Variants in HPS5 observed in about 807,000 individuals in gnomAD.
HPS5 encodes the protein HPS5 biogenesis of lysosomal organelles complex 2 subunit 2.
HPS5 carries 83 observed loss-of-function variants against 128.0 expected under a neutral mutation model. The observed-to-expected ratio is 0.65, with a 90% CI of 0.54 to 0.78. The LOEUF is 0.78. HPS5 is among the 30% of genes least tolerant of loss of function. The probability of loss-of-function intolerance (pLI) is 0.00; values close to 1 mark genes in which losing one functional copy is unlikely to be tolerated. For synonymous variants in HPS5, 475 were observed against 470.2 expected (o/e 1.01, Z -0.13); for missense variants, 1,281 against 1,326.2 (o/e 0.97, Z 0.53).
At chr11:18,321,151 TAAA>T (rs140212617) in intron 1 of HPS5, among the ~76,000 whole-genome samples, 4,088 of 152,308 alleles carry the variant, frequency 0.027, 80 homozygotes, top group African/African-American at 0.053. Flanking sequence ...CAATAAAATT[TAAA>T]AAATATATAC....
intron 5 of HPS5, 28 bp from the exon 6 acceptor site, chr11:18,309,107 G>A (rs964489865): frequency 6.2e-7 from 1 of 1,606,894 alleles, no homozygotes. Context: ...AAGAAATAAA[G>A]TTTATTTAAT....
chr11:18,284,699 A>G (rs1859461523), intron 20 of HPS5, among the ~76,000 whole-genome samples: 4 of 152,232 alleles, frequency 2.6e-5, no homozygotes, highest in Admixed American at 2.6e-4. Context: ...CTACCACTAT[A>G]CAAATTAGAT....
intron 2 of HPS5, among the ~76,000 whole-genome samples, chr11:18,315,793 G>C (rs1321192901): frequency 1.3e-5 from 2 of 152,138 alleles, no homozygotes; most frequent in African/African-American, 4.8e-5. Context: ...GTAGCTCCAA[G>C]AGTTTATCTG....
Position 18,281,990 on chromosome 11 carries a change from T to G in HPS5, c.3289A>C (p.Arg1097=). The G allele has an allele frequency of 6.2e-7, 1 of 1,614,234 alleles. No individual in the cohort carries two copies. ...GCAATCCTCAGGATATCGCAGGTTCTGGTAAACTTCTCTGACAACTCAAGG... is the reference window on the plus strand; with the variant it reads ...GCAATCCTCAGGATATCGCAGGTTCGGGTAAACTTCTCTGACAACTCAAGG... ...LALELSEKFT[R]TCDILRIAEK... is the part of the protein sequence containing the mutation. The change falls in exon 22 of 23, where the codon AGA becomes CGA. Residue 1097 remains arginine (R), a synonymous_variant. Coordinates refer to ENST00000349215, the MANE Select transcript of HPS5 (RefSeq NM_181507.2).
In HPS5 at chr11:18,291,690, C is replaced by T; in HGVS notation, c.2192G>A (p.Ser731Asn). ...TTCAGCCAGGTCGTTCCGAAGACCA[C>T]TTGCAATGGCGCATGGAGAACATAT... Reference protein sequence around the residue: ...FQICSPCAIASGLRNDLAELT... With the variant: ...FQICSPCAIANGLRNDLAELT... The change falls in exon 16 of 23, where the codon AGT becomes AAT. Residue 731 changes from serine to asparagine, a missense_variant. By Grantham distance (46) the Ser-to-Asn change is conservative (BLOSUM62 1). Coordinates refer to ENST00000349215, the MANE Select transcript of HPS5 (RefSeq NM_181507.2). The T allele has an allele frequency of 1.2e-6, 2 of 1,614,218 alleles. No homozygotes were observed. Among genetic ancestry groups the T allele is most frequent in the African/African-American group, 1.3e-5 (1 of 75,064 alleles).
At chr11:18,290,398 A>G (rs951413168) in intron 16 of HPS5, among the ~76,000 whole-genome samples, 1 of 152,234 alleles carries the variant, frequency 6.6e-6, no homozygotes, top group Non-Finnish European at 1.5e-5. Flanking sequence ...AAAATGGAAT[A>G]ACACCATCTA....
chr11:18,303,619 G>A (rs908122843), intron 8 of HPS5, among the ~76,000 whole-genome samples: 2 of 152,156 alleles, frequency 1.3e-5, no homozygotes, highest in East Asian at 1.9e-4. Context: ...TTGGGAAGCC[G>A]ATGCAGGTGG....
rs1863820648 is a variant in HPS5, at chr11:18,317,780, C to T, written c.79G>A (p.Ala27Thr). ...EFESLDPLLSALRLDSSRLKC... is the reference protein window; with the variant it reads ...EFESLDPLLSTLRLDSSRLKC... Reference sequence around the variant, plus strand: ...AGACGACTGGAGTCCAGCCGCAGGGCTGAGAGTAATGGATCCAGAGATTCA... The same window carrying T: ...AGACGACTGGAGTCCAGCCGCAGGGTTGAGAGTAATGGATCCAGAGATTCA... The change falls in exon 2 of 23, where the codon GCC becomes ACC. Residue 27 changes from alanine to threonine, a missense_variant. Ala to Thr is a moderately conservative substitution (Grantham distance 58). Coordinates refer to ENST00000349215, the MANE Select transcript of HPS5 (RefSeq NM_181507.2). 1 of 1,613,714 alleles carries T rather than the reference C, an allele frequency of 6.2e-7. No homozygotes were observed. Among genetic ancestry groups the T allele is most frequent in the Admixed American group, 1.7e-5 (1 of 59,978 alleles).
intron 2 of HPS5, among the ~76,000 whole-genome samples, chr11:18,312,971 TCTAA>T (rs1863179850): frequency 1.3e-5 from 2 of 152,236 alleles, no homozygotes; most frequent in Non-Finnish European, 2.9e-5. Flanking sequence ...TGAAAAAATG[TCTAA>T]CTGATATCAA....
chr11:18,308,879 A>G (rs1590126796), intron 6 of HPS5, 67 bp downstream of exon 6: 2 of 1,511,438 alleles, frequency 1.3e-6, no homozygotes, highest in Non-Finnish European at 1.8e-6. Flanking sequence ...CTTGGGGTAG[A>G]TAACTTCTAA....
In HPS5 at chr11:18,300,764, G is replaced by C. The variant is rs557360838; in HGVS notation, c.985+64C>G. ...TCAACTTCTTAAATTACAAGAGAAT[G>C]CTCCTACAATAATCAAATTTTCATA... On this transcript the variant is annotated intron_variant, in intron 9 of 22. Coordinates refer to ENST00000349215, the MANE Select transcript of HPS5 (RefSeq NM_181507.2). 5.2e-4 allele frequency: 400 copies of C among 766,248 alleles called. 9 individuals are homozygous for C. The South Asian group carries it at 5.9e-3, about 11-fold the overall frequency. The allele number at this position is 766,248 out of a possible 1,614,324, so 47.5% of individuals were successfully genotyped here.
chr11:18,301,454 C>CAAAAAA (rs899074500), intron 8 of HPS5, among the ~76,000 whole-genome samples: 21 of 52,030 alleles, frequency 4.0e-4, no homozygotes, highest in African/African-American at 6.0e-4. Context: ...GACTCTGTCT[C>CAAAAAA]AAAAAAAAAA....
intron 1 of HPS5, among the ~76,000 whole-genome samples, chr11:18,318,741 GA>G (rs1438999598): frequency 6.6e-6 from 1 of 152,134 alleles, no homozygotes; most frequent in Non-Finnish European, 1.5e-5. Context: ...GAATACAACA[GA>G]AAAAGTCATG....
chr11:18,279,561 G>C lies in HPS5; in HGVS notation c.*321C>G, dbSNP rs1247379094. 1 of 351,586 alleles carries C rather than the reference G, an allele frequency of 2.8e-6. No individual in the cohort carries two copies. The highest frequency in any genetic ancestry group is 5.3e-6 in the Non-Finnish European group (1 of 188,352). 21.8% of individuals were successfully genotyped at this position (351,586 alleles called of 1,614,324 possible). A position where few individuals can be genotyped will look rare whatever the true frequency, so the allele number is the denominator to read the frequency against. ...AGAAAAGAATCTGTCTAATCCACTA[G>C]CAACAAGCAGTTAATACTGTAGTTC... is the stretch of plus-strand genomic sequence containing the variant. On this transcript the variant is annotated 3_prime_UTR_variant, in exon 23 of 23. Coordinates refer to ENST00000349215, the MANE Select transcript of HPS5 (RefSeq NM_181507.2).
chr11:18,295,611 C>T (rs1010360657), intron 13 of HPS5, among the ~76,000 whole-genome samples: 1 of 152,228 alleles, frequency 6.6e-6, no homozygotes, highest in Admixed American at 6.5e-5. Flanking sequence ...AAAGTCTTCT[C>T]TCTTAAACTC....
At chr11:18,299,854 A>G (rs1191755779) in intron 9 of HPS5, among the ~76,000 whole-genome samples, 1 of 152,252 alleles carries the variant, frequency 6.6e-6, no homozygotes, top group Non-Finnish European at 1.5e-5. Flanking sequence ...CACTATGTTA[A>G]GTGAAATAAG....
At chr11:18,294,901 G>A in intron 14 of HPS5, 119 bp downstream of exon 14, 10 of 1,017,846 alleles carry the variant, frequency 9.8e-6, no homozygotes, top group Non-Finnish European at 1.5e-5. Flanking sequence ...CACGTTCAAA[G>A]CCGTCCTGGA....
At chr11:18,313,912 CAAAA>C (rs58704871) in intron 2 of HPS5, among the ~76,000 whole-genome samples, 1 of 110,754 alleles carries the variant, frequency 9.0e-6, no homozygotes, top group Non-Finnish European at 1.8e-5. Flanking sequence ...GACTCCGTCT[CAAAA>C]AAAAAAAAAA....
intron 18 of HPS5, among the ~76,000 whole-genome samples, chr11:18,287,105 C>T (rs1409618562): frequency 6.6e-6 from 1 of 152,026 alleles, no homozygotes; most frequent in Non-Finnish European, 1.5e-5. Flanking sequence ...AAGGAGGAAG[C>T]CGCTAGTCTA....
Sources: allele counts gnomAD v4.1 joint callset (sites outside exome capture counted in the v4.1 genomes callset), GRCh38; gene constraint gnomAD v4.1.1; transcripts MANE v1.5; gene names NCBI Gene and HGNC (gene_info 2026-07-23, HGNC 2026-07-21).